KIF15: variants seen among roughly 807,000 people sequenced by gnomAD.
The protein encoded by KIF15 is kinesin family member 15, also known as kinesin-like protein KIF15.
Under a neutral mutation model 190.6 loss-of-function variants are expected in KIF15, and 140 were observed. The ratio of observed to expected loss-of-function variants is 0.73; its 90% confidence interval spans 0.64 to 0.84. The LOEUF (loss-of-function observed/expected upper bound fraction) is 0.84. Among genes scored for constraint, KIF15 ranks in the 40% least tolerant of loss-of-function variants. KIF15 has a pLI of 0.00. For synonymous variants in KIF15, 528 were observed against 551.3 expected (o/e 0.96, Z 0.59); for missense variants, 1,372 against 1,584.4 (o/e 0.87, Z 2.28).
In KIF15 at chr3:44,775,318, G is replaced by C. The variant is rs916153010; in HGVS notation, c.127G>C (p.Ala43Pro). ...IRPPAERSGS[A>P]DGEQNLCLSV... The stretch of plus-strand genomic sequence containing the variant: ...TCCTCCTGCAGAAAGATCTGGGTCA[G>C]CTGATGGAGAGCAGAACTTATGCTT... Residue 43 changes from alanine (A) to proline (P), a missense_variant, in exon 3 of 35, where the codon GCT (alanine) becomes CCT (proline). Ala to Pro is a conservative substitution (Grantham distance 27). Transcript: ENST00000326047. The C allele has an allele frequency of 1.9e-6, 3 of 1,613,940 alleles. No individual in the cohort carries two copies. The highest frequency in any genetic ancestry group is 1.6e-4 in the Middle Eastern group (1 of 6,084).
In KIF15 at chr3:44,802,914, A is replaced by G. The variant is rs1707343992; in HGVS notation, c.1610A>G (p.Gln537Arg). Residue 537 changes from glutamine to arginine, a missense_variant, in exon 14 of 35, where the codon CAA (glutamine) becomes CGA (arginine). Coordinates refer to ENST00000326047, the MANE Select transcript of KIF15 (RefSeq NM_020242.3). Reference sequence around the variant, plus strand: ...TTATTAGAGCCTGTGAAAAGAGCTCAAGAAATGGATGCCCAGACCATTGCA... The same window carrying G: ...TTATTAGAGCCTGTGAAAAGAGCTCGAGAAATGGATGCCCAGACCATTGCA... Reference protein sequence around the residue: ...LRLLEPVKRAQEMDAQTIAKL... With the variant: ...LRLLEPVKRAREMDAQTIAKL... 2 of 1,612,682 alleles carry G rather than the reference A, an allele frequency of 1.2e-6. No homozygotes were observed. The highest frequency in any genetic ancestry group is 2.2e-5 in the East Asian group (1 of 44,864).
intron 32 of KIF15, among the ~76,000 whole-genome samples, chr3:44,850,629 A>G (rs567697768): frequency 1.2e-4 from 18 of 152,174 alleles, no homozygotes; most frequent in African/African-American, 4.3e-4. Flanking sequence ...CGTTACCCAT[A>G]TATTTGTGAA....
At position 44,843,187 on chromosome 3, in the gene KIF15, G is replaced by C; in HGVS notation, c.3648G>C (p.Trp1216Cys). ...LESQQLIEKNWLLQGQLDDIK... is the reference protein window; with the variant it reads ...LESQQLIEKNCLLQGQLDDIK... ...GTCAGCAGTTAATAGAGAAAAACTG[G>C]CTCCTGCAAGGTCAGCTGGATGATA... The change falls in exon 30 of 35, where the codon TGG becomes TGC. Residue 1216 changes from tryptophan to cysteine, a missense_variant. Transcript: ENST00000326047. 1 of 1,613,524 alleles carries C rather than the reference G, an allele frequency of 6.2e-7. No homozygotes were observed. The highest frequency in any genetic ancestry group is 8.5e-7 in the Non-Finnish European group (1 of 1,179,744).
intron 6 of KIF15, among the ~76,000 whole-genome samples, chr3:44,866,549 A>G (rs1319455809): frequency 1.3e-5 from 2 of 152,184 alleles, no homozygotes; most frequent in South Asian, 2.1e-4. Flanking sequence ...TCTGGCCCCA[A>G]GTCTTCTTCA....
At chr3:44,830,098 T>C in intron 25 of KIF15, 23 bp downstream of exon 25, 1 of 1,359,350 alleles carries the variant, frequency 7.4e-7, no homozygotes, top group South Asian at 1.3e-5. Context: ...ACCAACAAGA[T>C]GTTAAATTTG....
intron 22 of KIF15, 76 bp from the exon 23 acceptor site, chr3:44,827,383 C>T: frequency 2.0e-6 from 2 of 1,011,992 alleles, no homozygotes; most frequent in African/African-American, 1.6e-5. Context: ...TGCACTTAAT[C>T]TATTCTGTAC....
At position 44,797,536 on chromosome 3, in the gene KIF15, C is replaced by A; in HGVS notation, c.850-15C>A. ...AACGTACCTAAATTTTTGTTCTTTT[C>A]CGTCAACACTTTAGGAAGCAGGTAA... On this transcript the variant is annotated splice_polypyrimidine_tract_variant and intron_variant, in intron 8 of 34. Transcript: ENST00000326047. 1 of 1,609,718 alleles carries A rather than the reference C, an allele frequency of 6.2e-7. No individual in the cohort carries two copies. The highest frequency in any genetic ancestry group is 8.5e-7 in the Non-Finnish European group (1 of 1,178,064).
chr3:44,828,077 C>A, intron 23 of KIF15, 137 bp from the exon 24 acceptor site: 1 of 592,168 alleles, frequency 1.7e-6, no homozygotes, highest in Non-Finnish European at 3.0e-6. Context: ...TGTCTTTCAA[C>A]CCAATTTATC....
rs746008895 is a variant in KIF15, at chr3:44,802,989, A to C, written c.1685A>C (p.Lys562Thr). Residue 562 changes from lysine to threonine, a missense_variant and splice_region_variant, in exon 14 of 35, where the codon AAA becomes ACA. By Grantham distance (78) the Lys-to-Thr change is moderately conservative (BLOSUM62 -1). Coordinates refer to ENST00000326047, the MANE Select transcript of KIF15 (RefSeq NM_020242.3). ...ATAAGTGGCATGGAGAAAAGTGACAAAAGTAAGAAATGATTGTTGTATATA... is the reference window on the plus strand; with the variant it reads ...ATAAGTGGCATGGAGAAAAGTGACACAAGTAAGAAATGATTGTTGTATATA... ...SEISGMEKSD[K>T]NQQGFSPKAQ... 6.3e-7 allele frequency: 1 copy of C among 1,590,804 alleles called. No homozygotes were observed. The highest frequency in any genetic ancestry group is 1.4e-5 in the African/African-American group (1 of 73,370).
At chr3:44,783,075 C>G (rs960142762) in intron 5 of KIF15, among the ~76,000 whole-genome samples, 5 of 151,884 alleles carry the variant, frequency 3.3e-5, no homozygotes, top group Non-Finnish European at 7.4e-5. Flanking sequence ...GGGGATAGAG[C>G]GGGATTAGGA....
intron 8 of KIF15, among the ~76,000 whole-genome samples, chr3:44,795,378 G>A (rs1706926196): frequency 6.6e-6 from 1 of 152,144 alleles, no homozygotes; most frequent in South Asian, 2.1e-4. Context: ...TGGTTAGAGA[G>A]GCAAGCAGGC....
At chr3:44,855,607 G>T (rs1699180051), downstream of KIF15, among the ~76,000 whole-genome samples, 1 of 152,148 alleles carries the variant, frequency 6.6e-6, no homozygotes. Flanking sequence ...GCTTCAAGTG[G>T]GCTTAGGGGC....
At chr3:44,835,300 T>C (rs1172152691) in intron 26 of KIF15, among the ~76,000 whole-genome samples, 1 of 152,116 alleles carries the variant, frequency 6.6e-6, no homozygotes, top group African/African-American at 2.4e-5. Flanking sequence ...AATGTAGTAA[T>C]GCGATCATGG....
chr3:44,834,997 T>G (rs926399848), intron 26 of KIF15, among the ~76,000 whole-genome samples: 8 of 149,166 alleles, frequency 5.4e-5, no homozygotes, highest in African/African-American at 2.0e-4. Flanking sequence ...ATAATTAAAA[T>G]AATATATAAT....
intron 6 of KIF15, chr3:44,864,312 TCA>T (rs1491369066): frequency 6.2e-7 from 1 of 1,614,196 alleles, no homozygotes; most frequent in Non-Finnish European, 8.5e-7. Flanking sequence ...ATTGCATCTG[TCA>T]CAGTGACTTT....
chr3:44,813,201 C>A, intron 19 of KIF15, 21 bp downstream of exon 19: 2 of 1,358,428 alleles, frequency 1.5e-6, no homozygotes, highest in Non-Finnish European at 2.1e-6. Flanking sequence ...CTATCAGGAG[C>A]TTTGTGACTT....
chr3:44,840,755 G>A (rs1165485608), intron 28 of KIF15, among the ~76,000 whole-genome samples: 2 of 134,580 alleles, frequency 1.5e-5, no homozygotes, highest in Non-Finnish European at 3.0e-5. Context: ...TGCAGCCTCC[G>A]TCTCCCAGGT....
At chr3:44,866,970 G>A (rs1699328983) in intron 6 of KIF15, among the ~76,000 whole-genome samples, 1 of 152,110 alleles carries the variant, frequency 6.6e-6, no homozygotes, top group Non-Finnish European at 1.5e-5. Flanking sequence ...CAAAACCCTT[G>A]AGCTCCCATG....
Position 44,806,030 on chromosome 3 carries a change from T to C in KIF15, c.1971+44T>C, listed in dbSNP as rs75022354. 1.7e-4 allele frequency: 276 copies of C among 1,587,674 alleles called. 1 individual carries two copies. The African/African-American group carries it at 3.3e-3, about 19-fold the overall frequency. On this transcript the variant is annotated intron_variant, in intron 16 of 34. Transcript: ENST00000326047. ...ACCTCCACCTTAAATCAGTGCAATG[T>C]CATTTTATTAATAATGGAGAGAGTC...
Sources: gnomAD v4.1 joint callset for allele counts (sites outside exome capture counted in the v4.1 genomes callset) on GRCh38, gnomAD v4.1.1 for gene constraint, MANE v1.5 for transcripts, NCBI Gene and HGNC (gene_info 2026-07-23, HGNC 2026-07-21) for gene names.